Variants in FANCL observed in about 807,000 individuals in gnomAD.
FANCL encodes E3 ubiquitin-protein ligase FANCL.
In FANCL, 69 loss-of-function variants were observed where a neutral mutation model predicts 59.4. The ratio of observed to expected loss-of-function variants is 1.16; its 90% CI spans 0.96 to 1.42. The LOEUF is 1.42. FANCL is among the 40% of genes most tolerant of loss of function. FANCL has a pLI of 0.00. For synonymous variants in FANCL, 180 were observed against 147.1 expected, an observed-to-expected ratio of 1.22 and a Z score of -1.62; for missense variants, 519 against 447.2, an observed-to-expected ratio of 1.16 and a Z score of -1.45.
chr2:58,219,288 G>T (rs1405064368), intron 5 of FANCL, among the ~76,000 whole-genome samples: 1 of 143,296 alleles, frequency 7.0e-6, no homozygotes, highest in East Asian at 2.1e-4. Flanking sequence ...AATTGAGCAA[G>T]AAAATAAAAT....
At chr2:58,194,255 T>C in intron 7 of FANCL, 1 of 471,096 alleles carries the variant, frequency 2.1e-6, no homozygotes, top group Non-Finnish European at 4.4e-6. Context: ...TTCACATCCA[T>C]TTTTGCTTGA....
intron 2 of FANCL, 46 bp downstream of exon 2, chr2:58,232,008 C>A: frequency 1.3e-6 from 2 of 1,528,740 alleles, no homozygotes; most frequent in Non-Finnish European, 1.8e-6. Flanking sequence ...ACTGCCTGTC[C>A]CACCAAAATG....
In FANCL at chr2:58,222,463, T is replaced by C. The variant is rs1400259292; in HGVS notation, c.274-421A>G. Among the ~76,000 whole-genome samples the C allele has an allele frequency of 2.0e-5, 3 of 152,222 alleles. No homozygotes were observed. In the East Asian group the frequency reaches 5.8e-4, roughly 29 times the overall value. ...TACATTACCTAAACTGACATATTTG[T>C]ATACCATTATGAACCACATCCTAAC... On this transcript the variant is annotated intron_variant, in intron 4 of 13. Transcript: ENST00000233741.
chr2:58,227,018 G>C (rs1001051374), intron 3 of FANCL, among the ~76,000 whole-genome samples: 1 of 152,206 alleles, frequency 6.6e-6, no homozygotes, highest in African/African-American at 2.4e-5. Context: ...AACTGTGTTA[G>C]AATGTCACTT....
intron 5 of FANCL, among the ~76,000 whole-genome samples, chr2:58,206,405 A>G (rs1374756598): frequency 6.6e-6 from 1 of 152,164 alleles, no homozygotes; most frequent in Non-Finnish European, 1.5e-5. Context: ...ATAGAAAATA[A>G]TATGGGAGAC....
intron 1 of FANCL, among the ~76,000 whole-genome samples, chr2:58,234,740 G>C (rs1693861753): frequency 1.3e-5 from 2 of 151,864 alleles, no homozygotes. Context: ...CTAGGTAAAA[G>C]ATCAAATATA....
chr2:58,208,165 T>C (rs907665832), intron 5 of FANCL, among the ~76,000 whole-genome samples: 2 of 152,168 alleles, frequency 1.3e-5, no homozygotes, highest in African/African-American at 4.8e-5. Flanking sequence ...AATAATGATT[T>C]AGGAAACAAT....
intron 7 of FANCL, among the ~76,000 whole-genome samples, chr2:58,184,926 A>C (rs1688259459): frequency 6.6e-6 from 1 of 152,158 alleles, no homozygotes; most frequent in African/African-American, 2.4e-5. Context: ...AAAGGTTTGC[A>C]GCAAAGGTCC....
chr2:58,207,848 A>G (rs1168353535), intron 5 of FANCL, among the ~76,000 whole-genome samples: 1 of 152,196 alleles, frequency 6.6e-6, no homozygotes, highest in Non-Finnish European at 1.5e-5. Context: ...CTTGAGCCCA[A>G]GAGTTCAAGA....
At chr2:58,162,341 G>A (rs1685313859) in intron 11 of FANCL, among the ~76,000 whole-genome samples, 1 of 151,898 alleles carries the variant, frequency 6.6e-6, no homozygotes, top group Non-Finnish European at 1.5e-5. Flanking sequence ...AGACTATGTA[G>A]AAAAGCCAAA....
At chr2:58,206,558 T>C (rs755477979) in intron 5 of FANCL, among the ~76,000 whole-genome samples, 29 of 152,182 alleles carry the variant, frequency 1.9e-4, no homozygotes, top group Non-Finnish European at 3.8e-4. Flanking sequence ...TTGCTCACCA[T>C]CACAATGTTT....
intron 7 of FANCL, among the ~76,000 whole-genome samples, chr2:58,177,839 T>C (rs1163202758): frequency 1.4e-5 from 2 of 146,166 alleles, no homozygotes. Context: ...AATAGACCGC[T>C]AGCCAGACTA....
intron 7 of FANCL, among the ~76,000 whole-genome samples, chr2:58,180,286 C>G (rs1687800504): frequency 6.6e-6 from 1 of 152,074 alleles, no homozygotes; most frequent in African/African-American, 2.4e-5. Flanking sequence ...TTTATTCCAG[C>G]ATTATTCACA....
intron 13 of FANCL, 122 bp from the exon 14 acceptor site, chr2:58,159,922 T>TA (rs1269130322): frequency 6.5e-7 from 1 of 1,537,414 alleles, no homozygotes; most frequent in Non-Finnish European, 8.7e-7. Flanking sequence ...CTTCTGAAGT[T>TA]TCAGATCACC....
chr2:58,188,734 C>A (rs1402651899), intron 7 of FANCL, among the ~76,000 whole-genome samples: 3 of 151,210 alleles, frequency 2.0e-5, no homozygotes, highest in Non-Finnish European at 4.4e-5. Context: ...GACACTGCGA[C>A]CAGCCATAAT....
At chr2:58,159,893 T>C (rs1423028682) in intron 13 of FANCL, 93 bp from the exon 14 acceptor site, 3 of 1,566,014 alleles carry the variant, frequency 1.9e-6, no homozygotes, top group East Asian at 2.3e-5. Flanking sequence ...AATAGTGTCA[T>C]AGTACAGTTT....
intron 7 of FANCL, among the ~76,000 whole-genome samples, chr2:58,173,551 A>G (rs1686910331): frequency 1.3e-5 from 2 of 152,174 alleles, no homozygotes; most frequent in Admixed American, 1.3e-4. Flanking sequence ...TCATAAGTGA[A>G]GGAGAAATAA....
chr2:58,201,395 T>C (rs1401647144), intron 6 of FANCL, among the ~76,000 whole-genome samples: 1 of 151,800 alleles, frequency 6.6e-6, no homozygotes, highest in Non-Finnish European at 1.5e-5. Flanking sequence ...TTACATAATA[T>C]TAAGTATATA....
At position 58,177,917 on chromosome 2, in the gene FANCL, G is replaced by C. The variant is rs148396470; in HGVS notation, c.541-12043C>G. The stretch of plus-strand genomic sequence containing the variant: ...AAATGATGAAGGGGATATCGCCACT[G>C]ATCCTACAGAAATACAAACTACTAT... On this transcript the variant is annotated intron_variant, in intron 7 of 13. Coordinates refer to ENST00000233741, the MANE Select transcript of FANCL (RefSeq NM_018062.4). Among the ~76,000 whole-genome samples the C allele has an allele frequency of 6.6e-3, 1,004 of 152,074 alleles. 13 individuals carry two copies. The highest frequency in any genetic ancestry group is 0.022 in the African/African-American group (921 of 41,482).
Sources: gnomAD v4.1 joint callset for allele counts (sites outside exome capture counted in the v4.1 genomes callset) on GRCh38, gnomAD v4.1.1 for gene constraint, MANE v1.5 for transcripts, NCBI Gene and HGNC (gene_info 2026-07-23, HGNC 2026-07-21) for gene names.